The following SNX13 variants were observed in gnomAD, a reference collection of about 807,000 sequenced individuals.
SNX13 encodes sorting nexin-13.
SNX13 carries 45 observed loss-of-function variants against 133.6 expected under a neutral mutation model. That is an observed-to-expected ratio of 0.34 (90% CI 0.27 to 0.43). SNX13 has a LOEUF of 0.43. Ranked by LOEUF, SNX13 falls within the 20% of genes least tolerant of loss-of-function variation. The pLI, the probability that SNX13 is intolerant of heterozygous loss-of-function variation, is 1.00. For missense variants in SNX13, 1,032 were observed against 1,145.1 expected, an observed-to-expected ratio of 0.90 and a Z score of 1.43; for synonymous variants, 414 against 373.9, an observed-to-expected ratio of 1.11 and a Z score of -1.24.
chr7:17,894,106 C>A (rs1056776842), intron 2 of SNX13, among the ~76,000 whole-genome samples: 3 of 151,684 alleles, frequency 2.0e-5, no homozygotes, highest in Non-Finnish European at 2.9e-5. Context: ...AGATCGAGAC[C>A]ACCCTGACCA....
chr7:17,870,077 G>C (rs982693440), intron 8 of SNX13, among the ~76,000 whole-genome samples: 2 of 152,150 alleles, frequency 1.3e-5, no homozygotes, highest in African/African-American at 4.8e-5. Flanking sequence ...CAAGGTCCTA[G>C]TGAGAGCTCT....
intron 5 of SNX13, among the ~76,000 whole-genome samples, chr7:17,878,184 C>A (rs1489914037): frequency 2.6e-5 from 4 of 152,154 alleles, no homozygotes; most frequent in African/African-American, 9.7e-5. Flanking sequence ...ATTATGCCAA[C>A]AGTCAAAACT....
At chr7:17,918,652 G>C (rs1489738755) in intron 1 of SNX13, among the ~76,000 whole-genome samples, 1 of 152,170 alleles carries the variant, frequency 6.6e-6, no homozygotes, top group Non-Finnish European at 1.5e-5. Context: ...TTAATACACT[G>C]TTGGAAGTAT....
At chr7:17,930,349 C>T (rs1484076544) in intron 1 of SNX13, among the ~76,000 whole-genome samples, 1 of 152,110 alleles carries the variant, frequency 6.6e-6, no homozygotes, top group Non-Finnish European at 1.5e-5. Flanking sequence ...TGACACCAGC[C>T]ATCACTCTTA....
chr7:17,802,306 T>C (rs1298186065), intron 21 of SNX13, among the ~76,000 whole-genome samples: 1 of 152,082 alleles, frequency 6.6e-6, no homozygotes, highest in Non-Finnish European at 1.5e-5. Context: ...GATGCACATC[T>C]GTAGTTAGTA....
At chr7:17,908,334 T>A (rs1209764154) in intron 1 of SNX13, among the ~76,000 whole-genome samples, 1 of 152,158 alleles carries the variant, frequency 6.6e-6, no homozygotes, top group African/African-American at 2.4e-5. Flanking sequence ...CTGTATTCCA[T>A]CCTCCTTACT....
chr7:17,834,524 A>G (rs1788913932), intron 14 of SNX13, among the ~76,000 whole-genome samples: 1 of 151,862 alleles, frequency 6.6e-6, no homozygotes, highest in Non-Finnish European at 1.5e-5. Context: ...TGAGACTACA[A>G]TATCTAGCCC....
rs1188534939 is a variant in SNX13 at position 17,821,832 on chromosome 7, T to C, written c.1706-184A>G. ...GCAAAGGATAGATTCCCATCCTCCA[T>C]ATTCACATCCATAAGGTATTACATA... On this transcript the variant is annotated intron_variant, in intron 17 of 25. Transcript: ENST00000428135. 3 of 612,370 alleles carry C rather than the reference T, an allele frequency of 4.9e-6. No individual in the cohort carries two copies. In the South Asian group the frequency reaches 7.4e-5, roughly 15 times the overall value. 37.9% of individuals were successfully genotyped at this position (612,370 alleles called of 1,614,324 possible). A position where few individuals can be genotyped will look rare whatever the true frequency, so the allele number is the denominator to read the frequency against.
intron 18 of SNX13, among the ~76,000 whole-genome samples, chr7:17,818,202 G>T (rs922174467): frequency 1.4e-4 from 22 of 152,256 alleles, no homozygotes; most frequent in African/African-American, 4.8e-4. Context: ...CTCTGGAACT[G>T]TAAGAAAATA....
At position 17,793,387 on chromosome 7, in the gene SNX13, GT is replaced by G. The variant is rs1783732251; in HGVS notation, c.*657del. The G allele has an allele frequency of 6.6e-6, 1 of 151,814 alleles. No individual in the cohort carries two copies. Among genetic ancestry groups the G allele is most frequent in the African/African-American group, 2.4e-5 (1 of 41,374 alleles). The allele number at this position is 151,814 out of a possible 1,614,324, so 9.4% of individuals were successfully genotyped here. On this transcript the variant is annotated 3_prime_UTR_variant, in exon 26 of 26. Coordinates refer to ENST00000428135, the MANE Select transcript of SNX13 (RefSeq NM_015132.5). ...TAAAGCACACATAAGAATAAAAATT[GT>G]TGTATACCAATGAATAACAAATCCA...
intron 12 of SNX13, among the ~76,000 whole-genome samples, chr7:17,845,324 T>C (rs1187107442): frequency 6.6e-6 from 1 of 151,388 alleles, no homozygotes; most frequent in African/African-American, 2.4e-5. Flanking sequence ...TACTTAAGAG[T>C]AGTCAAAATT....
intron 20 of SNX13, among the ~76,000 whole-genome samples, chr7:17,804,146 C>T (rs574949991): frequency 6.6e-6 from 1 of 152,016 alleles, no homozygotes; most frequent in South Asian, 2.1e-4. Flanking sequence ...TCAATATAAG[C>T]TTTGGCTGCC....
At chr7:17,935,477 A>G (rs1418545356) in intron 1 of SNX13, among the ~76,000 whole-genome samples, 1 of 152,212 alleles carries the variant, frequency 6.6e-6, no homozygotes, top group Non-Finnish European at 1.5e-5. Flanking sequence ...TATTTTTTAA[A>G]TAACTAAATT....
chr7:17,817,628 G>A (rs1786805136), intron 18 of SNX13, among the ~76,000 whole-genome samples: 1 of 151,966 alleles, frequency 6.6e-6, no homozygotes, highest in East Asian at 1.9e-4. Flanking sequence ...GTATTGGGAG[G>A]AAAACCAATA....
intron 20 of SNX13, among the ~76,000 whole-genome samples, chr7:17,809,282 C>CAAAAAAAAAA (rs535077123): frequency 6.1e-5 from 3 of 49,270 alleles, no homozygotes; most frequent in Non-Finnish European, 3.5e-5. Flanking sequence ...AGATGGAAAG[C>CAAAAAAAAAA]AAAAAAAAAA....
chr7:17,910,248 G>A (rs1798821422), intron 1 of SNX13, among the ~76,000 whole-genome samples: 1 of 151,820 alleles, frequency 6.6e-6, no homozygotes. Flanking sequence ...ATATAATAAG[G>A]GAAAAGAAAT....
intron 22 of SNX13, among the ~76,000 whole-genome samples, chr7:17,799,579 T>C (rs1207739412): frequency 6.6e-6 from 1 of 151,782 alleles, no homozygotes; most frequent in East Asian, 1.9e-4. Context: ...ACATGAATGA[T>C]ACAGAATAAT....
chr7:17,889,529 CA>C (rs1295061857), intron 5 of SNX13: 4 of 151,788 alleles, frequency 2.6e-5, no homozygotes, highest in Non-Finnish European at 4.4e-5. Flanking sequence ...CTCATCCAAA[CA>C]TAAAATCTTT....
chr7:17,880,545 T>C (rs544223606), intron 5 of SNX13: 1 of 152,330 alleles, frequency 6.6e-6, no homozygotes, highest in East Asian at 1.9e-4. Context: ...TCAGATTTTC[T>C]GGAGGTGGGG....
Sources: allele counts gnomAD v4.1 joint callset (sites outside exome capture counted in the v4.1 genomes callset), GRCh38; gene constraint gnomAD v4.1.1; transcripts MANE v1.5; gene names NCBI Gene and HGNC (gene_info 2026-07-23, HGNC 2026-07-21).